NID1: variants seen among roughly 807,000 people sequenced by gnomAD.
NID1 encodes nidogen 1, also known as nidogen-1.
Under a neutral mutation model 130.6 loss-of-function variants are expected in NID1, and 76 were observed. That is an observed-to-expected ratio of 0.58 (90% CI 0.48 to 0.70). NID1 has a LOEUF of 0.70. Among genes scored for constraint, NID1 ranks in the 30% least tolerant of loss-of-function variants. NID1 has a pLI of 0.00. For synonymous variants in NID1, 665 were observed against 675.1 expected, an observed-to-expected ratio of 0.98 and a Z score of 0.23; for missense variants, 1,517 against 1,664.8, an observed-to-expected ratio of 0.91 and a Z score of 1.54.
intron 12 of NID1, among the ~76,000 whole-genome samples, chr1:236,003,590 C>G (rs1658151677): frequency 6.6e-6 from 1 of 151,994 alleles, no homozygotes; most frequent in Non-Finnish European, 1.5e-5. Flanking sequence ...AGGCCTCAGG[C>G]CAGGCACGAT....
In NID1 at chr1:236,045,557, C is replaced by T. The variant is rs200279383; in HGVS notation, c.652G>A (p.Val218Met). 3.2e-5 allele frequency: 51 copies of T among 1,613,972 alleles called. 1 individual carries two copies. Among genetic ancestry groups the T allele is most frequent in the African/African-American group, 9.3e-5 (7 of 74,918 alleles). Reference sequence around the variant, plus strand: ...ACTGAACCTTGACTGAATGCAACCACGGCAGGAACTTGGTTGTTTTCCTTC... The same window carrying T: ...ACTGAACCTTGACTGAATGCAACCATGGCAGGAACTTGGTTGTTTTCCTTC... The part of the protein sequence containing the change: ...SKKENNQVPA[V>M]VAFSQGSVGF... The change falls in exon 3 of 20, where the codon GTG becomes ATG. Residue 218 changes from valine (V) to methionine (M), a missense_variant. Physicochemically the swap from Val to Met is conservative, Grantham distance 21. Coordinates refer to ENST00000264187, the MANE Select transcript of NID1 (RefSeq NM_002508.3).
chr1:236,042,438 T>A (rs1422513865), intron 3 of NID1, 146 bp from the exon 4 acceptor site: 1 of 1,069,484 alleles, frequency 9.4e-7, no homozygotes, highest in Non-Finnish European at 1.3e-6. Context: ...GCACTGGCCG[T>A]CATGTCTGGG....
At chr1:236,018,130 T>C (rs1658655948) in intron 9 of NID1, among the ~76,000 whole-genome samples, 1 of 152,176 alleles carries the variant, frequency 6.6e-6, no homozygotes, top group Non-Finnish European at 1.5e-5. Flanking sequence ...GTGATGTCCT[T>C]TTATATGACA....
chr1:236,061,497 C>T (rs1660034476), intron 1 of NID1, among the ~76,000 whole-genome samples: 1 of 152,054 alleles, frequency 6.6e-6, no homozygotes, highest in South Asian at 2.1e-4. Context: ...GTCTCAGTCT[C>T]ACTCTGTTTC....
intron 12 of NID1, among the ~76,000 whole-genome samples, chr1:236,010,758 C>A (rs1658387301): frequency 6.6e-6 from 1 of 152,180 alleles, no homozygotes; most frequent in Non-Finnish European, 1.5e-5. Context: ...GGCCCATGGG[C>A]CATAGTTTGC....
At chr1:236,034,731 C>A (rs1037571282) in intron 5 of NID1, among the ~76,000 whole-genome samples, 4 of 151,938 alleles carry the variant, frequency 2.6e-5, no homozygotes, top group Non-Finnish European at 5.9e-5. Context: ...AATAGTTGGA[C>A]AACTTTGTGA....
intron 1 of NID1, among the ~76,000 whole-genome samples, chr1:236,051,757 A>G (rs975503166): frequency 2.0e-4 from 31 of 152,378 alleles, no homozygotes; most frequent in Non-Finnish European, 4.1e-4. Context: ...GGCAGTAAGC[A>G]GTTGGAAGTG....
chr1:235,998,229 T>C (rs1188421185), intron 12 of NID1, among the ~76,000 whole-genome samples: 6 of 152,198 alleles, frequency 3.9e-5, no homozygotes, highest in Non-Finnish European at 8.8e-5. Flanking sequence ...TGAGAAGCAG[T>C]TAGCATGCCA....
intron 5 of NID1, among the ~76,000 whole-genome samples, chr1:236,035,698 G>A (rs549043162): frequency 1.3e-5 from 2 of 152,312 alleles, no homozygotes; most frequent in Admixed American, 1.3e-4. Flanking sequence ...CCGGGGATCA[G>A]CTGCGTTCTG....
rs1025529219 is a variant in NID1, at chr1:236,011,970, G to A, written c.2478C>T (p.Cys826=). 1.2e-6 allele frequency: 2 copies of A among 1,614,120 alleles called. No individual in the cohort carries two copies. Among genetic ancestry groups the A allele is most frequent in the African/African-American group, 1.3e-5 (1 of 74,948 alleles). Residue 826 remains cysteine, a synonymous_variant, in exon 12 of 20, where the codon TGC becomes TGT. Transcript: ENST00000264187. ...FCYNTPGSFT[C]QCKPGYQGDG... ...CTCCCTGATAACCAGGTTTGCACTGGCACGTGAAAGAGCCTGGAGTGTTGT... is the reference window on the plus strand; with the variant it reads ...CTCCCTGATAACCAGGTTTGCACTGACACGTGAAAGAGCCTGGAGTGTTGT...
chr1:235,990,385 C>CCT (rs1657697855), intron 14 of NID1, among the ~76,000 whole-genome samples: 1 of 152,142 alleles, frequency 6.6e-6, no homozygotes, highest in African/African-American at 2.4e-5. Flanking sequence ...CAGACCCTCC[C>CCT]CTCTCCTTCA....
At chr1:235,998,156 G>T (rs542922723) in intron 12 of NID1, among the ~76,000 whole-genome samples, 36 of 152,278 alleles carry the variant, frequency 2.4e-4, no homozygotes, top group African/African-American at 8.7e-4. Context: ...GTGAATATTT[G>T]AAGTACCTTT....
chr1:235,983,984 T>TAA (rs76847820), intron 15 of NID1, among the ~76,000 whole-genome samples: 4 of 140,542 alleles, frequency 2.8e-5, no homozygotes, highest in South Asian at 2.3e-4. Flanking sequence ...CTTTCTCTCT[T>TAA]AAAAAAAAAA....
At chr1:236,029,470 T>C (rs1659032496) in intron 7 of NID1, 80 bp downstream of exon 7, 1 of 1,381,488 alleles carries the variant, frequency 7.2e-7, no homozygotes, top group African/African-American at 1.4e-5. Flanking sequence ...ACAGCCCCAG[T>C]TCACGGCTGC....
At chr1:236,057,690 TGAAAGAAAGAAGGAAA>T (rs1659932939) in intron 1 of NID1, among the ~76,000 whole-genome samples, 1 of 116,112 alleles carries the variant, frequency 8.6e-6, no homozygotes, top group Admixed American at 1.0e-4. Context: ...AGAGTAAGAC[TGAAAGAAAGAAGGAAA>T]GAAAGAAAGA....
intron 5 of NID1, among the ~76,000 whole-genome samples, chr1:236,037,197 C>T (rs1659285239): frequency 6.6e-6 from 1 of 152,172 alleles, no homozygotes; most frequent in South Asian, 2.1e-4. Context: ...AATTGGCACC[C>T]CAGCATTAAC....
At chr1:236,004,464 C>T (rs769634144) in intron 12 of NID1, among the ~76,000 whole-genome samples, 2 of 152,090 alleles carry the variant, frequency 1.3e-5, no homozygotes, top group African/African-American at 4.8e-5. Context: ...GTTTTTCTTC[C>T]TTTAAGTTAA....
At chr1:236,056,334 A>T (rs1659898146) in intron 1 of NID1, among the ~76,000 whole-genome samples, 1 of 152,112 alleles carries the variant, frequency 6.6e-6, no homozygotes, top group Non-Finnish European at 1.5e-5. Context: ...GACCCACTTT[A>T]TTATTTTATT....
rs543084896 is a variant in NID1, at chr1:236,039,307, A to G, written c.1136-1054T>C. 2.0e-3 allele frequency among the ~76,000 whole-genome samples: 310 copies of G among 151,332 alleles called. 1 individual carries two copies. The highest frequency in any genetic ancestry group is 3.4e-3 in the Non-Finnish European group (230 of 67,910). The stretch of plus-strand genomic sequence containing the variant: ...CCATTTTAACAACCTTAAAATATGT[A>G]CATATATTTTATCCTCCTTCCTCTG... On this transcript the variant is annotated intron_variant, in intron 4 of 19. Transcript: ENST00000264187.
Sources: gnomAD v4.1 joint callset for allele counts (sites outside exome capture counted in the v4.1 genomes callset) on GRCh38, gnomAD v4.1.1 for gene constraint, MANE v1.5 for transcripts, NCBI Gene and HGNC (gene_info 2026-07-23, HGNC 2026-07-21) for gene names.